Variants in COX7B2 observed in about 807,000 individuals in gnomAD.
COX7B2 encodes cytochrome c oxidase subunit 7B2, also known as cytochrome c oxidase subunit 7B2, mitochondrial.
For synonymous variants in COX7B2, 37 were observed against 32.1 expected, an observed-to-expected ratio of 1.15 and a Z score of -0.51; for missense variants, 109 against 95.9, an observed-to-expected ratio of 1.14 and a Z score of -0.57.
chr4:46,739,928 T>G (rs1714603531), intron 2 of COX7B2, among the ~76,000 whole-genome samples: 3 of 152,230 alleles, frequency 2.0e-5, no homozygotes, highest in African/African-American at 7.2e-5. Flanking sequence ...TTTAAAACCT[T>G]TGCTGTTTTA....
chr4:46,855,999 T>C (rs955954018), intron 1 of COX7B2, among the ~76,000 whole-genome samples: 2 of 152,116 alleles, frequency 1.3e-5, no homozygotes, highest in Non-Finnish European at 2.9e-5. Flanking sequence ...ATCCCAGCAC[T>C]TTGGGAGGCC....
intron 2 of COX7B2, among the ~76,000 whole-genome samples, chr4:46,771,247 C>A (rs1409154659): frequency 6.6e-6 from 1 of 152,062 alleles, no homozygotes; most frequent in Non-Finnish European, 1.5e-5. Flanking sequence ...AAATGCACAT[C>A]AAAACTATAA....
intron 1 of COX7B2, among the ~76,000 whole-genome samples, chr4:46,895,823 G>A (rs941145605): frequency 5.3e-5 from 8 of 152,104 alleles, no homozygotes; most frequent in African/African-American, 1.9e-4. Flanking sequence ...CTCCCTAAGG[G>A]AGAAATTCAG....
At chr4:46,825,639 A>G (rs1445835002) in intron 2 of COX7B2, among the ~76,000 whole-genome samples, 1 of 151,834 alleles carries the variant, frequency 6.6e-6, no homozygotes, top group Admixed American at 6.5e-5. Context: ...ACTATACTTC[A>G]AGGCTACAGT....
intron 1 of COX7B2, among the ~76,000 whole-genome samples, chr4:46,884,454 G>A (rs768574991): frequency 1.3e-5 from 2 of 152,116 alleles, no homozygotes; most frequent in Non-Finnish European, 2.9e-5. Flanking sequence ...AGTTTTTGAA[G>A]CAACAGAAAA....
intron 2 of COX7B2, among the ~76,000 whole-genome samples, chr4:46,820,834 AAT>A (rs1194238870): frequency 3.0e-3 from 392 of 129,206 alleles, no homozygotes; most frequent in African/African-American, 0.01. Context: ...AAAAAAAAAA[AAT>A]ATATATATAT....
At chr4:46,753,997 T>A (rs1715584445) in intron 2 of COX7B2, among the ~76,000 whole-genome samples, 1 of 152,012 alleles carries the variant, frequency 6.6e-6, no homozygotes, top group Non-Finnish European at 1.5e-5. Flanking sequence ...GAAAGGCAAA[T>A]CAAAACCACA....
At chr4:46,779,124 T>A (rs1717309801) in intron 2 of COX7B2, among the ~76,000 whole-genome samples, 2 of 152,168 alleles carry the variant, frequency 1.3e-5, no homozygotes, top group Non-Finnish European at 2.9e-5. Context: ...TAGCTACAAT[T>A]CATTTAAATA....
At chr4:46,765,594 C>T (rs1279871742) in intron 2 of COX7B2, among the ~76,000 whole-genome samples, 3 of 151,790 alleles carry the variant, frequency 2.0e-5, no homozygotes, top group East Asian at 3.9e-4. Flanking sequence ...GCAGACAATC[C>T]CCCATGACCC....
chr4:46,749,009 A>C (rs1715186996), intron 2 of COX7B2, among the ~76,000 whole-genome samples: 1 of 152,154 alleles, frequency 6.6e-6, no homozygotes, highest in African/African-American at 2.4e-5. Context: ...AAAATAGCTC[A>C]AAGTGTCTGC....
At chr4:46,818,854 T>C (rs1407209364) in intron 2 of COX7B2, among the ~76,000 whole-genome samples, 1 of 152,220 alleles carries the variant, frequency 6.6e-6, no homozygotes. Flanking sequence ...TGTTCTGTGC[T>C]AACGACTTTA....
rs560060490 is a variant in COX7B2, at chr4:46,740,415, C to T, written c.-49-5174G>A. Among the ~76,000 whole-genome samples the T allele has an allele frequency of 2.6e-5, 4 of 152,128 alleles. No individual in the cohort carries two copies. The South Asian group carries it at 8.3e-4, about 32-fold the overall frequency. On this transcript the variant is annotated intron_variant, in intron 2 of 2. Transcript: ENST00000355591. The stretch of plus-strand genomic sequence containing the variant: ...GTTTTGGTTTTATCGTTGTATTAAG[C>T]TCCCAATATAATGAAGATCAATTCA...
intron 1 of COX7B2, among the ~76,000 whole-genome samples, chr4:46,880,067 CAGTGT>C (rs1718615271): frequency 6.6e-6 from 1 of 152,124 alleles, no homozygotes; most frequent in South Asian, 2.1e-4. Flanking sequence ...TTTGCCCATT[CAGTGT>C]AATGTTTGCT....
chr4:46,897,979 T>C (rs572218775), intron 1 of COX7B2, among the ~76,000 whole-genome samples: 1 of 152,316 alleles, frequency 6.6e-6, no homozygotes, highest in South Asian at 2.1e-4. Flanking sequence ...CCATTTCTCC[T>C]TCTAACTCTC....
chr4:46,899,922 A>T (rs1215020557), intron 1 of COX7B2, among the ~76,000 whole-genome samples: 1 of 152,162 alleles, frequency 6.6e-6, no homozygotes, highest in South Asian at 2.1e-4. Flanking sequence ...AAATAAAACA[A>T]CCCTAGATTT....
chr4:46,790,079 T>C (rs146212771), intron 2 of COX7B2, among the ~76,000 whole-genome samples: 1 of 152,180 alleles, frequency 6.6e-6, no homozygotes, highest in East Asian at 1.9e-4. Flanking sequence ...TGTGAAAAGG[T>C]ACTACTCTAT....
chr4:46,736,512 A>G (rs1714372321), intron 2 of COX7B2, among the ~76,000 whole-genome samples: 1 of 152,116 alleles, frequency 6.6e-6, no homozygotes, highest in African/African-American at 2.4e-5. Flanking sequence ...AGGAACTCAG[A>G]TAAAACAAAT....
chr4:46,829,391 C>T (rs898189968), intron 2 of COX7B2, among the ~76,000 whole-genome samples: 16 of 152,016 alleles, frequency 1.1e-4, no homozygotes, highest in African/African-American at 3.9e-4. Context: ...CCACTTTTAT[C>T]TTTTGGAAAA....
At chr4:46,740,498 AG>A (rs1193361472) in intron 2 of COX7B2, among the ~76,000 whole-genome samples, 1 of 152,138 alleles carries the variant, frequency 6.6e-6, no homozygotes, top group Non-Finnish European at 1.5e-5. Flanking sequence ...AGATGGTACA[AG>A]TGATGAAATA....
Sources: gnomAD v4.1 joint callset for allele counts (sites outside exome capture counted in the v4.1 genomes callset) on GRCh38, gnomAD v4.1.1 for gene constraint, MANE v1.5 for transcripts, NCBI Gene and HGNC (gene_info 2026-07-23, HGNC 2026-07-21) for gene names.